ARID5B: variants seen among roughly 807,000 people sequenced by gnomAD.
The protein encoded by ARID5B is AT-rich interaction domain 5B.
Under a neutral mutation model 97.2 loss-of-function variants are expected in ARID5B, and 13 were observed. The observed-to-expected ratio is 0.13, with a 90% CI of 0.09 to 0.21. The LOEUF is 0.21. ARID5B is among the 10% of genes least tolerant of loss of function. ARID5B has a pLI of 1.00. For synonymous variants in ARID5B, 556 were observed against 570.3 expected, an observed-to-expected ratio of 0.97 and a Z score of 0.36; for missense variants, 1,210 against 1,465.3, an observed-to-expected ratio of 0.83 and a Z score of 2.84.
At chr10:62,010,186 G>A (rs1361660688) in intron 4 of ARID5B, among the ~76,000 whole-genome samples, 2 of 152,298 alleles carry the variant, frequency 1.3e-5, no homozygotes, top group East Asian at 1.9e-4. Flanking sequence ...AAGAAAAGGA[G>A]AGAGGCACCA....
At chr10:62,085,986 C>A in intron 9 of ARID5B, 86 bp downstream of exon 9, 1 of 1,380,706 alleles carries the variant, frequency 7.2e-7, no homozygotes, top group Non-Finnish European at 9.9e-7. Flanking sequence ...ACAGCTGTGT[C>A]CCTGCACAGT....
intron 2 of ARID5B, among the ~76,000 whole-genome samples, chr10:61,918,982 C>T (rs909576706): frequency 2.1e-5 from 3 of 144,126 alleles, no homozygotes; most frequent in African/African-American, 2.6e-5. Context: ...TGCAGTGAGA[C>T]GAGATTGTGC....
chr10:61,972,596 T>A (rs1367190936), intron 3 of ARID5B, among the ~76,000 whole-genome samples: 1 of 152,214 alleles, frequency 6.6e-6, no homozygotes, highest in African/African-American at 2.4e-5. Flanking sequence ...TAGCATCATT[T>A]TTAGTGATGA....
At chr10:62,044,850 C>T (rs1300742577) in intron 4 of ARID5B, among the ~76,000 whole-genome samples, 1 of 152,164 alleles carries the variant, frequency 6.6e-6, no homozygotes, top group Non-Finnish European at 1.5e-5. Flanking sequence ...GTGTTTATAT[C>T]TCATACAATG....
At chr10:62,082,294 A>G (rs1349094358) in intron 8 of ARID5B, among the ~76,000 whole-genome samples, 1 of 152,238 alleles carries the variant, frequency 6.6e-6, no homozygotes, top group East Asian at 1.9e-4. Context: ...GGATAATAAT[A>G]AAGGCCCATT....
chr10:62,018,309 T>C (rs2132887722), intron 4 of ARID5B, among the ~76,000 whole-genome samples: 1 of 152,304 alleles, frequency 6.6e-6, no homozygotes, highest in East Asian at 1.9e-4. Context: ...CTGCTCTTAA[T>C]GGCCCTTGGA....
chr10:61,958,836 A>G (rs10821935), intron 3 of ARID5B, among the ~76,000 whole-genome samples: 68,471 of 152,044 alleles, frequency 0.45, 15,882 homozygotes, highest in Non-Finnish European at 0.51. Context: ...AAATATGTAT[A>G]TTGTATATTC....
chr10:61,989,345 T>C (rs1838891179), intron 3 of ARID5B, among the ~76,000 whole-genome samples: 1 of 152,230 alleles, frequency 6.6e-6, no homozygotes, highest in Non-Finnish European at 1.5e-5. Context: ...AATGTGTTAA[T>C]TACAAGTTGG....
intron 5 of ARID5B, among the ~76,000 whole-genome samples, chr10:62,053,726 G>C (rs1839821134): frequency 6.6e-6 from 1 of 152,180 alleles, no homozygotes; most frequent in South Asian, 2.1e-4. Flanking sequence ...GTGTATTACA[G>C]GTGGTTTATA....
chr10:62,056,582 A>G (rs1839859077), intron 5 of ARID5B, among the ~76,000 whole-genome samples: 1 of 152,178 alleles, frequency 6.6e-6, no homozygotes, highest in African/African-American at 2.4e-5. Flanking sequence ...ATATGGTTCT[A>G]TTTGTTAAGG....
Position 61,931,489 on chromosome 10 carries a change from G to GA in ARID5B, c.277-8686dup, listed in dbSNP as rs1209740761. On this transcript the variant is annotated intron_variant, in intron 2 of 9. Coordinates refer to ENST00000279873, the MANE Select transcript of ARID5B (RefSeq NM_032199.3). ...TAATGGCAAGCCACAATCCATAAAA[G>GA]AAAAAAAATCTAACTGGACTTAATC... Among the ~76,000 whole-genome samples the GA allele has an allele frequency of 3.3e-5, 5 of 151,862 alleles. No individual in the cohort carries two copies. In the South Asian group the frequency reaches 6.2e-4, roughly 19 times the overall value.
intron 3 of ARID5B, among the ~76,000 whole-genome samples, chr10:61,985,401 A>T (rs1166370544): frequency 5.3e-5 from 8 of 151,862 alleles, no homozygotes. Context: ...TTCTTAATCC[A>T]CAGAAGGTAT....
intron 2 of ARID5B, among the ~76,000 whole-genome samples, chr10:61,928,803 G>A (rs7893939): frequency 0.84 from 128,348 of 152,178 alleles, 54,309 homozygotes; most frequent in African/African-American, 0.89. Flanking sequence ...CTTGGATTCC[G>A]AGTGGCAACT....
intron 9 of ARID5B, among the ~76,000 whole-genome samples, chr10:62,086,871 C>CTTT (rs1840291617): frequency 1.5e-5 from 1 of 68,536 alleles, no homozygotes; most frequent in African/African-American, 5.5e-5. Flanking sequence ...AAAAAAAATG[C>CTTT]TTTGGAGGTC....
Position 62,085,879 on chromosome 10 carries a change from A to G in ARID5B, c.1377A>G (p.Pro459=). 3 of 1,613,514 alleles carry G rather than the reference A, an allele frequency of 1.9e-6. No individual in the cohort carries two copies. The highest frequency in any genetic ancestry group is 2.5e-6 in the Non-Finnish European group (3 of 1,179,952). The change falls in exon 9 of 10, where the codon CCA becomes CCG. Residue 459 remains proline, a synonymous_variant. Coordinates refer to ENST00000279873, the MANE Select transcript of ARID5B (RefSeq NM_032199.3). Reference sequence around the variant, plus strand: ...GCAAGAAAGAAAAAGAAAATGCCCCAAAGCCCCAGGATGCAGCAGAGGTGA... The same window carrying G: ...GCAAGAAAGAAAAAGAAAATGCCCCGAAGCCCCAGGATGCAGCAGAGGTGA... ...PKSKKEKENA[P]KPQDAAEVSS...
At chr10:61,988,491 G>A (rs1252064038) in intron 3 of ARID5B, among the ~76,000 whole-genome samples, 1 of 152,164 alleles carries the variant, frequency 6.6e-6, no homozygotes, top group Non-Finnish European at 1.5e-5. Context: ...AGAAACCAAA[G>A]GTGGCAAGCG....
At chr10:62,087,101 C>T (rs1165295828) in intron 9 of ARID5B, among the ~76,000 whole-genome samples, 1 of 151,820 alleles carries the variant, frequency 6.6e-6, no homozygotes, top group Non-Finnish European at 1.5e-5. Flanking sequence ...AGATCGAGAG[C>T]ATCCTGGCTA....
At chr10:62,003,066 C>A (rs189765820) in intron 4 of ARID5B, among the ~76,000 whole-genome samples, 1 of 152,290 alleles carries the variant, frequency 6.6e-6, no homozygotes, top group African/African-American at 2.4e-5. Context: ...CAAAAGGACA[C>A]TGTTTGCTTT....
chr10:61,981,045 C>T (rs891657880), intron 3 of ARID5B, among the ~76,000 whole-genome samples: 7 of 152,240 alleles, frequency 4.6e-5, no homozygotes, highest in Non-Finnish European at 7.3e-5. Flanking sequence ...GCTTTGGAAT[C>T]AGACAGACCT....
Sources: gnomAD v4.1 joint callset for allele counts (sites outside exome capture counted in the v4.1 genomes callset) on GRCh38, gnomAD v4.1.1 for gene constraint, MANE v1.5 for transcripts, NCBI Gene and HGNC (gene_info 2026-07-23, HGNC 2026-07-21) for gene names.